The following SPOCK3 variants were observed in gnomAD, a reference collection of about 807,000 sequenced individuals.
The protein encoded by SPOCK3 is SPARC (osteonectin), cwcv and kazal like domains proteoglycan 3.
In SPOCK3, 30 loss-of-function variants were observed where a neutral mutation model predicts 56.6. The ratio of observed to expected loss-of-function variants is 0.53; its 90% confidence interval spans 0.40 to 0.72. The LOEUF (loss-of-function observed/expected upper bound fraction) is 0.72. Among genes scored for constraint, SPOCK3 ranks in the 30% least tolerant of loss-of-function variants. The probability of loss-of-function intolerance (pLI) is 0.00; values close to 1 mark genes in which losing one functional copy is unlikely to be tolerated. For missense variants in SPOCK3, 527 were observed against 530.0 expected, an observed-to-expected ratio of 0.99 and a Z score of 0.06; for synonymous variants, 196 against 183.3, an observed-to-expected ratio of 1.07 and a Z score of -0.56.
chr4:166,912,082 G>A (rs1279984732), intron 5 of SPOCK3, among the ~76,000 whole-genome samples: 3 of 152,022 alleles, frequency 2.0e-5, no homozygotes, highest in Non-Finnish European at 4.4e-5. Context: ...ACACTTAATT[G>A]GGAGGAACAA....
intron 5 of SPOCK3, among the ~76,000 whole-genome samples, chr4:166,902,252 G>A (rs577402182): frequency 1.3e-5 from 2 of 152,086 alleles, no homozygotes; most frequent in South Asian, 4.2e-4. Flanking sequence ...AATATTTTTG[G>A]TAGGTAATAT....
intron 4 of SPOCK3, among the ~76,000 whole-genome samples, chr4:166,986,138 C>T (rs548965631): frequency 1.8e-4 from 28 of 152,278 alleles, no homozygotes; most frequent in African/African-American, 3.6e-4. Context: ...ATCTCAATGT[C>T]AAATTTTATC....
intron 6 of SPOCK3, among the ~76,000 whole-genome samples, chr4:166,850,406 G>A (rs1473316405): frequency 1.3e-5 from 2 of 152,208 alleles, no homozygotes; most frequent in African/African-American, 4.8e-5. Flanking sequence ...ATATAATAGG[G>A]TTCTGGATTT....
chr4:167,095,079 T>A (rs1292902965), intron 2 of SPOCK3, among the ~76,000 whole-genome samples: 2 of 152,082 alleles, frequency 1.3e-5, no homozygotes, highest in Non-Finnish European at 2.9e-5. Context: ...TATTCAGGTA[T>A]TCAACAAACT....
At position 166,735,101 on chromosome 4, in the gene SPOCK3, G is replaced by A. The variant is rs1560799875; in HGVS notation, c.1133-11C>T. The A allele has an allele frequency of 1.3e-6, 2 of 1,571,268 alleles. No homozygotes were observed. The highest frequency in any genetic ancestry group is 2.4e-5 in the South Asian group (2 of 84,380). ...TCTCAAAATCTATAGCTTAAAACAA[G>A]TGAAAGTAAACATAACCTTTATTTG... On this transcript the variant is annotated splice_polypyrimidine_tract_variant and intron_variant, in intron 10 of 10. Coordinates refer to ENST00000357545, the MANE Select transcript of SPOCK3 (RefSeq NM_001040159.2).
intron 4 of SPOCK3, among the ~76,000 whole-genome samples, chr4:166,998,971 A>G (rs1163432977): frequency 6.6e-6 from 1 of 152,190 alleles, no homozygotes; most frequent in Non-Finnish European, 1.5e-5. Flanking sequence ...AAATAGAAAA[A>G]TGAGTTTCTG....
Position 167,181,127 on chromosome 4 carries a change from C to T in SPOCK3, c.189+52858G>A, listed in dbSNP as rs540888670. ...CATTTTTTCCTTAATCCTCCAGACT[C>T]TGAAATCTATATCCCTACTGACCTT... On this transcript the variant is annotated intron_variant, in intron 2 of 10. Transcript: ENST00000357545. 2.6e-4 allele frequency among the ~76,000 whole-genome samples: 39 copies of T among 152,266 alleles called. No individual in the cohort carries two copies. In the South Asian group the frequency reaches 7.7e-3, roughly 30 times the overall value.
chr4:166,776,337 C>T (rs28700953), intron 7 of SPOCK3, among the ~76,000 whole-genome samples: 1,582 of 152,022 alleles, frequency 0.01, 19 homozygotes, highest in African/African-American at 0.027. Context: ...CGCTTCAACC[C>T]GGGAAGTGGA....
At chr4:167,220,650 T>C (rs907924573) in intron 2 of SPOCK3, among the ~76,000 whole-genome samples, 7 of 151,958 alleles carry the variant, frequency 4.6e-5, no homozygotes, top group African/African-American at 1.7e-4. Flanking sequence ...CCTCTGGAAG[T>C]TCTGGAATTA....
At chr4:166,814,681 T>G (rs1744206103) in intron 6 of SPOCK3, among the ~76,000 whole-genome samples, 1 of 152,108 alleles carries the variant, frequency 6.6e-6, no homozygotes. Context: ...AAGGCTGCAC[T>G]GTTGGCTTCC....
At chr4:167,034,606 G>A (rs891934221) in intron 3 of SPOCK3, among the ~76,000 whole-genome samples, 1 of 152,002 alleles carries the variant, frequency 6.6e-6, no homozygotes, top group African/African-American at 2.4e-5. Flanking sequence ...TAAAACCATA[G>A]CTCGTACATA....
Position 167,051,255 on chromosome 4 carries a change from G to T in SPOCK3, c.235+11237C>A, listed in dbSNP as rs138281093. On this transcript the variant is annotated intron_variant, in intron 3 of 10. Transcript: ENST00000357545. ...CTAGACAACTATACTTTTTAAATGA[G>T]TGTGAAGTAATTCTCCTGCACAGCA... 2.8e-3 allele frequency among the ~76,000 whole-genome samples: 424 copies of T among 152,256 alleles called. 2 individuals carry two copies. Among genetic ancestry groups the T allele is most frequent in the African/African-American group, 9.9e-3 (413 of 41,556 alleles).
intron 4 of SPOCK3, among the ~76,000 whole-genome samples, chr4:166,919,425 A>C (rs1041585322): frequency 1.3e-5 from 2 of 152,206 alleles, no homozygotes; most frequent in Non-Finnish European, 2.9e-5. Flanking sequence ...CATATTCATA[A>C]TTACTGAAGG....
intron 2 of SPOCK3, among the ~76,000 whole-genome samples, chr4:167,109,360 AT>A (rs1312950410): frequency 5.1e-5 from 2 of 38,972 alleles, no homozygotes; most frequent in South Asian, 8.4e-4. Context: ...ATAAATATAT[AT>A]TTATATATAT....
At chr4:166,840,819 C>T (rs1364872297) in intron 6 of SPOCK3, among the ~76,000 whole-genome samples, 1 of 133,110 alleles carries the variant, frequency 7.5e-6, no homozygotes, top group East Asian at 2.6e-4. Context: ...CGCTCTGTCG[C>T]CCAGGCTGGA....
chr4:167,036,209 T>G (rs1050542921), intron 3 of SPOCK3, among the ~76,000 whole-genome samples: 7 of 152,192 alleles, frequency 4.6e-5, no homozygotes, highest in African/African-American at 1.7e-4. Flanking sequence ...CTGTTTGGTA[T>G]GCTTTTGCGA....
intron 8 of SPOCK3, chr4:166,754,292 T>C (rs1736782041): frequency 1.6e-6 from 2 of 1,275,238 alleles, no homozygotes; most frequent in Non-Finnish European, 9.9e-7. Flanking sequence ...TAATACAAAA[T>C]ATTAATTACT....
intron 6 of SPOCK3, among the ~76,000 whole-genome samples, chr4:166,829,135 A>G (rs574238766): frequency 2.8e-4 from 42 of 152,180 alleles, no homozygotes; most frequent in African/African-American, 9.9e-4. Flanking sequence ...CACAGATTCA[A>G]GCACAAACAC....
intron 2 of SPOCK3, among the ~76,000 whole-genome samples, chr4:167,089,363 T>G (rs1184423625): frequency 6.6e-6 from 1 of 152,158 alleles, no homozygotes; most frequent in East Asian, 1.9e-4. Context: ...TCTTACTCTT[T>G]AAATTTAATT....
Sources: gnomAD v4.1 joint callset for allele counts (sites outside exome capture counted in the v4.1 genomes callset) on GRCh38, gnomAD v4.1.1 for gene constraint, MANE v1.5 for transcripts, NCBI Gene and HGNC (gene_info 2026-07-23, HGNC 2026-07-21) for gene names.